BTBD8: variants seen among roughly 807,000 people sequenced by gnomAD.
The protein encoded by BTBD8 is BTB/POZ domain-containing protein 8.
BTBD8 carries 110 observed loss-of-function variants against 162.9 expected under a neutral mutation model. The ratio of observed to expected loss-of-function variants is 0.68; its 90% CI spans 0.58 to 0.79. The LOEUF (loss-of-function observed/expected upper bound fraction) is 0.79. Ranked by LOEUF, BTBD8 falls within the 30% of genes least tolerant of loss-of-function variation. The pLI is 0.00. For missense variants in BTBD8, 1,905 were observed against 2,085.4 expected, an observed-to-expected ratio of 0.91 and a Z score of 1.68; for synonymous variants, 667 against 716.1, an observed-to-expected ratio of 0.93 and a Z score of 1.10.
At position 92,159,505 on chromosome 1, in the gene BTBD8, A is replaced by G. The variant is rs116395323; in HGVS notation, c.1123-7453A>G. On this transcript the variant is annotated intron_variant, in intron 9 of 17. Transcript: ENST00000636805. The stretch of plus-strand genomic sequence containing the variant: ...ATATTTTCCTTCACCAATGAGTTTC[A>G]TATTTTCTTATGCTCTCATGTTGCT... Among the ~76,000 whole-genome samples, 1,431 of 152,156 alleles carry G rather than the reference A, an allele frequency of 9.4e-3. 14 individuals are homozygous for G. The highest frequency in any genetic ancestry group is 0.015 in the African/African-American group (603 of 41,536).
intron 4 of BTBD8, among the ~76,000 whole-genome samples, chr1:92,112,508 T>C (rs1427082082): frequency 6.6e-6 from 1 of 152,226 alleles, no homozygotes; most frequent in Non-Finnish European, 1.5e-5. Flanking sequence ...ATGGGCCTTA[T>C]GATAAAAGAT....
intron 6 of BTBD8, among the ~76,000 whole-genome samples, chr1:92,140,387 T>C (rs1054507994): frequency 2.6e-5 from 4 of 152,216 alleles, no homozygotes; most frequent in African/African-American, 7.2e-5. Flanking sequence ...CCTTGCTCTT[T>C]TAATTTTCTA....
chr1:92,156,686 A>G (rs1198859369), intron 9 of BTBD8, among the ~76,000 whole-genome samples: 1 of 152,124 alleles, frequency 6.6e-6, no homozygotes, highest in Non-Finnish European at 1.5e-5. Context: ...TGTGTCTAGG[A>G]ATTTATCCAT....
intron 7 of BTBD8, among the ~76,000 whole-genome samples, chr1:92,145,165 T>C (rs1468426679): frequency 6.6e-6 from 1 of 152,160 alleles, no homozygotes; most frequent in African/African-American, 2.4e-5. Context: ...GGTTTTGCCA[T>C]GTTGGCCAGG....
At chr1:92,144,481 G>T in intron 7 of BTBD8, among the ~76,000 whole-genome samples, 1 of 112,492 alleles carries the variant, frequency 8.9e-6, no homozygotes, top group African/African-American at 3.2e-5. Context: ...ATTTTGGTAG[G>T]CTTTACATTT....
At chr1:92,172,018 G>A (rs1292709225) in intron 13 of BTBD8, among the ~76,000 whole-genome samples, 1 of 152,144 alleles carries the variant, frequency 6.6e-6, no homozygotes, top group African/African-American at 2.4e-5. Flanking sequence ...TTGTACCCGG[G>A]AGGCAGAGGT....
At position 92,177,490 on chromosome 1, in the gene BTBD8, A is replaced by G. The variant is rs1461164535; in HGVS notation, c.2297A>G (p.Asp766Gly). Reference sequence around the variant, plus strand: ...TCTGGACATAAACTATCCTTTTGTGATTCTCCAGGACAGATGATGAAAAAC... The same window carrying G: ...TCTGGACATAAACTATCCTTTTGTGGTTCTCCAGGACAGATGATGAAAAAC... Reference protein sequence around the residue: ...KPSGHKLSFCDSPGQMMKNSV... With the variant: ...KPSGHKLSFCGSPGQMMKNSV... Residue 766 changes from aspartate (D) to glycine (G), a missense_variant, in exon 14 of 18, where the codon GAT becomes GGT. Asp to Gly is a moderately conservative substitution (Grantham distance 94). This residue lies in a region of BTBD8 where 1,374 missense variants were observed against 1,442.7 expected (regional missense o/e 0.95). Coordinates refer to ENST00000636805, the MANE Select transcript of BTBD8 (RefSeq NM_001376131.1). The G allele has an allele frequency of 4.6e-5, 71 of 1,551,312 alleles. No homozygotes were observed. Among genetic ancestry groups the G allele is most frequent in the Non-Finnish European group, 5.6e-5 (64 of 1,146,988 alleles).
At chr1:92,173,204 C>A (rs1422822872) in intron 13 of BTBD8, among the ~76,000 whole-genome samples, 1 of 152,196 alleles carries the variant, frequency 6.6e-6, no homozygotes, top group Non-Finnish European at 1.5e-5. Context: ...GGATTGCAGG[C>A]GTGAGCCACC....
chr1:92,099,511 AAGTCATCTAATCCGTGAACACG>A (rs1648533225), intron 2 of BTBD8, among the ~76,000 whole-genome samples: 1 of 151,570 alleles, frequency 6.6e-6, no homozygotes, highest in South Asian at 2.1e-4. Context: ...TAACAATATT[AAGTCATCTAATCCGTGAACACG>A]AGATGTGTTT....
At chr1:92,174,626 GT>G (rs5776141) in intron 13 of BTBD8, among the ~76,000 whole-genome samples, 1 of 150,290 alleles carries the variant, frequency 6.7e-6, no homozygotes. Flanking sequence ...ATAGAGAAAT[GT>G]TTTTTTTTTG....
At chr1:92,168,772 C>A in intron 11 of BTBD8, 94 bp from the exon 12 acceptor site, 1 of 1,159,642 alleles carries the variant, frequency 8.6e-7, no homozygotes, top group South Asian at 3.3e-5. Context: ...CATCATTGAT[C>A]TAGCTTAGGA....
chr1:92,100,108 G>A (rs1648548357), intron 2 of BTBD8, among the ~76,000 whole-genome samples: 1 of 152,178 alleles, frequency 6.6e-6, no homozygotes, highest in South Asian at 2.1e-4. Flanking sequence ...ATTGATTGAA[G>A]TGATCATGTG....
At chr1:92,139,473 G>A (rs764529891) in intron 6 of BTBD8, 43 bp downstream of exon 6, 3 of 1,579,464 alleles carry the variant, frequency 1.9e-6, no homozygotes, top group South Asian at 1.2e-5. Context: ...AAAGAGTTAG[G>A]TTCTGCTTTG....
chr1:92,089,774 A>AT (rs1366516607), intron 2 of BTBD8, among the ~76,000 whole-genome samples: 2 of 152,160 alleles, frequency 1.3e-5, no homozygotes, highest in African/African-American at 4.8e-5. Flanking sequence ...CACATTGGGG[A>AT]TTAAGTTTCA....
intron 5 of BTBD8, among the ~76,000 whole-genome samples, chr1:92,133,284 G>A (rs1201858427): frequency 2.0e-5 from 3 of 152,158 alleles, no homozygotes; most frequent in African/African-American, 7.2e-5. Flanking sequence ...ACTTTCCTGA[G>A]CTTCCTGAGG....
In BTBD8 at chr1:92,173,217, G is replaced by A. The variant is rs552276382; in HGVS notation, c.1635+1757G>A. ...TGGGATTGCAGGCGTGAGCCACCAC[G>A]CCCAACCCCATAGCAACTCTTTATA... On this transcript the variant is annotated intron_variant, in intron 13 of 17. Coordinates refer to ENST00000636805, the MANE Select transcript of BTBD8 (RefSeq NM_001376131.1). 9.2e-5 allele frequency among the ~76,000 whole-genome samples: 14 copies of A among 152,306 alleles called. No individual in the cohort carries two copies. In the East Asian group the frequency reaches 1.4e-3, roughly 15 times the overall value.
rs181908555 is a variant in BTBD8 at position 92,117,046 on chromosome 1, C to A, written c.662+9045C>A. 1.1e-4 allele frequency among the ~76,000 whole-genome samples: 17 copies of A among 151,844 alleles called. No individual in the cohort carries two copies. In the South Asian group the frequency reaches 2.1e-3, roughly 19 times the overall value. Reference sequence around the variant, plus strand: ...AAAATTTTTTGTAGAGATGGGTTCTCGCATTATTGCTCAGGCTGGTCTTGA... The same window carrying A: ...AAAATTTTTTGTAGAGATGGGTTCTAGCATTATTGCTCAGGCTGGTCTTGA... On this transcript the variant is annotated intron_variant, in intron 4 of 17. Transcript: ENST00000636805.
intron 11 of BTBD8, 54 bp from the exon 12 acceptor site, chr1:92,168,812 G>A: frequency 7.0e-7 from 1 of 1,436,478 alleles, no homozygotes; most frequent in Non-Finnish European, 9.3e-7. Flanking sequence ...AATAATGACT[G>A]GTTGCTATGA....
intron 13 of BTBD8, among the ~76,000 whole-genome samples, chr1:92,174,539 ATAAAT>A (rs1406622471): frequency 3.9e-5 from 6 of 152,214 alleles, no homozygotes; most frequent in Non-Finnish European, 8.8e-5. Context: ...CAAGGATAGA[ATAAAT>A]TAAGTAGATT....
Sources: gnomAD v4.1 joint callset for allele counts (sites outside exome capture counted in the v4.1 genomes callset) on GRCh38, gnomAD v4.1.1 for gene constraint, gnomAD v4.1.1 regional missense constraint, MANE v1.5 for transcripts, NCBI Gene and HGNC (gene_info 2026-07-23, HGNC 2026-07-21) for gene names.